Variants in CHN1 observed in about 807,000 individuals in gnomAD.
The protein encoded by CHN1 is chimerin 1, also known as N-chimaerin.
In CHN1, 37 loss-of-function variants were observed where a neutral mutation model predicts 59.5. The ratio of observed to expected loss-of-function variants is 0.62; its 90% confidence interval spans 0.48 to 0.82. The LOEUF is 0.82. CHN1 is among the 40% of genes least tolerant of loss of function. The pLI is 0.00. For missense variants in CHN1, 469 were observed against 571.0 expected (o/e 0.82, Z 1.82); for synonymous variants, 206 against 200.4 (o/e 1.03, Z -0.24).
chr2:174,927,420 T>C (rs1689207470), intron 3 of CHN1, among the ~76,000 whole-genome samples: 2 of 152,234 alleles, frequency 1.3e-5, no homozygotes, highest in African/African-American at 4.8e-5. Flanking sequence ...CAAATTAAAG[T>C]CTACTTCTTG....
intron 6 of CHN1, among the ~76,000 whole-genome samples, chr2:174,851,363 T>TGGGAA (rs751561863): frequency 9.0e-4 from 137 of 152,282 alleles, no homozygotes; most frequent in Non-Finnish European, 1.5e-3. Context: ...CACTGCAGCC[T>TGGGAA]CAACCTCCTG....
intron 6 of CHN1, among the ~76,000 whole-genome samples, chr2:174,865,325 T>C (rs1378003057): frequency 1.3e-5 from 2 of 152,186 alleles, no homozygotes; most frequent in Non-Finnish European, 2.9e-5. Context: ...GATAGTGATC[T>C]ACTTAGTCTT....
At chr2:174,813,972 T>C (rs969053634) in intron 8 of CHN1, among the ~76,000 whole-genome samples, 1 of 152,272 alleles carries the variant, frequency 6.6e-6, no homozygotes, top group Non-Finnish European at 1.5e-5. Context: ...AGTTATTAGC[T>C]GTGATCTAGT....
At chr2:174,821,071 G>C (rs922693255) in intron 8 of CHN1, among the ~76,000 whole-genome samples, 2 of 152,122 alleles carry the variant, frequency 1.3e-5, no homozygotes, top group African/African-American at 4.8e-5. Context: ...TAGTGCATTA[G>C]TTTACAATTG....
At chr2:174,866,068 T>C (rs1268673999) in intron 6 of CHN1, among the ~76,000 whole-genome samples, 1 of 152,200 alleles carries the variant, frequency 6.6e-6, no homozygotes, top group Non-Finnish European at 1.5e-5. Flanking sequence ...TGTGAGGGAA[T>C]TGCTGGATAA....
intron 3 of CHN1, among the ~76,000 whole-genome samples, chr2:174,918,879 G>A (rs1422038941): frequency 6.6e-6 from 1 of 151,914 alleles, no homozygotes; most frequent in Non-Finnish European, 1.5e-5. Context: ...AAAACATATA[G>A]CCACAATTGT....
intron 4 of CHN1, 87 bp from the exon 5 acceptor site, chr2:174,915,258 T>G: frequency 3.0e-6 from 3 of 988,288 alleles, no homozygotes; most frequent in South Asian, 1.4e-5. Flanking sequence ...CACCACCTTC[T>G]CTTGTTGTTT....
chr2:174,985,135 A>G (rs1691297639), intron 1 of CHN1, among the ~76,000 whole-genome samples: 1 of 152,206 alleles, frequency 6.6e-6, no homozygotes, highest in Non-Finnish European at 1.5e-5. Context: ...AATTTGCTCT[A>G]GATTTTAGTT....
At chr2:174,891,887 T>C (rs1688064382) in intron 5 of CHN1, among the ~76,000 whole-genome samples, 2 of 152,090 alleles carry the variant, frequency 1.3e-5, no homozygotes, top group South Asian at 2.1e-4. Flanking sequence ...AAGAAAAATA[T>C]AGCAAAGACT....
intron 5 of CHN1, among the ~76,000 whole-genome samples, chr2:174,886,168 C>T (rs536787920): frequency 6.6e-6 from 1 of 152,192 alleles, no homozygotes; most frequent in Non-Finnish European, 1.5e-5. Context: ...TGTATAAACA[C>T]AAACCCACAA....
chr2:174,848,752 CTTTTA>C (rs1686628151), intron 6 of CHN1, among the ~76,000 whole-genome samples: 1 of 152,090 alleles, frequency 6.6e-6, no homozygotes. Flanking sequence ...TCTTTAGTCC[CTTTTA>C]TTTTTCTAAA....
chr2:174,962,782 C>T (rs1162582457), intron 1 of CHN1, among the ~76,000 whole-genome samples: 1 of 150,524 alleles, frequency 6.6e-6, no homozygotes, highest in Admixed American at 6.7e-5. Context: ...TGATGGCATG[C>T]ATCTGTAATC....
At chr2:174,838,237 G>A (rs781067550) in intron 7 of CHN1, among the ~76,000 whole-genome samples, 6 of 152,122 alleles carry the variant, frequency 3.9e-5, no homozygotes, top group Non-Finnish European at 5.9e-5. Flanking sequence ...GGGATTACAG[G>A]CATGCACCAT....
intron 9 of CHN1, 193 bp downstream of exon 9, chr2:174,812,116 A>G: frequency 2.4e-6 from 1 of 424,386 alleles, no homozygotes; most frequent in Admixed American, 4.1e-5. Context: ...CACTTAGTTA[A>G]ATGTACCTTG....
At chr2:174,894,406 CA>C (rs1402289427) in intron 5 of CHN1, among the ~76,000 whole-genome samples, 3 of 151,938 alleles carry the variant, frequency 2.0e-5, no homozygotes, top group Non-Finnish European at 4.4e-5. Flanking sequence ...AAATGCAAAT[CA>C]AAACCATAAT....
chr2:174,969,227 T>C (rs949895538), intron 1 of CHN1, among the ~76,000 whole-genome samples: 7 of 152,202 alleles, frequency 4.6e-5, no homozygotes, highest in African/African-American at 1.7e-4. Flanking sequence ...TTCTCTCCAA[T>C]GACTTCCTGT....
chr2:174,975,880 G>C (rs763006475), intron 1 of CHN1, among the ~76,000 whole-genome samples: 8 of 151,830 alleles, frequency 5.3e-5, no homozygotes. Context: ...CCAGCACTTT[G>C]GGAGGCCGAG....
intron 5 of CHN1, among the ~76,000 whole-genome samples, chr2:174,907,728 T>G (rs1048684625): frequency 6.6e-6 from 1 of 150,960 alleles, no homozygotes; most frequent in African/African-American, 2.4e-5. Context: ...CACTAAGAGA[T>G]AAACACCAAA....
At chr2:174,806,213 TC>T (rs752855963) in intron 11 of CHN1, among the ~76,000 whole-genome samples, 2 of 152,122 alleles carry the variant, frequency 1.3e-5, no homozygotes, top group African/African-American at 4.8e-5. Flanking sequence ...TGGAAGAACT[TC>T]CAGCTGTAGC....
Sources: gnomAD v4.1 joint callset for allele counts (sites outside exome capture counted in the v4.1 genomes callset) on GRCh38, gnomAD v4.1.1 for gene constraint, MANE v1.5 for transcripts, NCBI Gene and HGNC (gene_info 2026-07-23, HGNC 2026-07-21) for gene names.